Variants in CRACDL observed in about 807,000 individuals in gnomAD.
The protein encoded by CRACDL is CRACD like.
CRACDL carries 26 observed loss-of-function variants against 70.6 expected under a neutral mutation model. That is an observed-to-expected ratio of 0.37 (90% CI 0.27 to 0.51). CRACDL has a LOEUF of 0.51. Ranked by LOEUF, CRACDL falls within the 20% of genes least tolerant of loss-of-function variation. The pLI, the probability that CRACDL is intolerant of heterozygous loss-of-function variation, is 0.94. For missense variants in CRACDL, 1,283 were observed against 1,376.9 expected (o/e 0.93, Z 1.08); for synonymous variants, 618 against 615.2 (o/e 1.00, Z -0.07).
intron 1 of CRACDL, among the ~76,000 whole-genome samples, chr2:98,934,487 G>A (rs987682954): frequency 2.0e-5 from 3 of 152,072 alleles, no homozygotes; most frequent in African/African-American, 7.2e-5. Context: ...GAGCCATCGC[G>A]CCCAGCCAAG....
intron 7 of CRACDL, among the ~76,000 whole-genome samples, chr2:98,803,067 T>C (rs972007454): frequency 1.3e-4 from 19 of 148,816 alleles, no homozygotes; most frequent in African/African-American, 4.7e-4. Flanking sequence ...TGGCGCAATC[T>C]AGGCTCACTG....
At chr2:98,874,455 C>G (rs905897173) in intron 1 of CRACDL, among the ~76,000 whole-genome samples, 6 of 152,214 alleles carry the variant, frequency 3.9e-5, no homozygotes, top group Admixed American at 3.9e-4. Flanking sequence ...AGGCTCCGCA[C>G]GGGCTGCTGG....
intron 5 of CRACDL, among the ~76,000 whole-genome samples, chr2:98,830,751 G>A (rs574012340): frequency 2.6e-5 from 4 of 152,222 alleles, no homozygotes; most frequent in South Asian, 4.1e-4. Context: ...TGGCCCAGCC[G>A]AGCCAGCTGT....
At chr2:98,820,345 C>G (rs1456409893) in intron 7 of CRACDL, among the ~76,000 whole-genome samples, 1 of 151,808 alleles carries the variant, frequency 6.6e-6, no homozygotes, top group Non-Finnish European at 1.5e-5. Flanking sequence ...GCCTGGCCAA[C>G]ATGGTGAAAC....
intron 1 of CRACDL, among the ~76,000 whole-genome samples, chr2:98,914,263 C>T (rs1051623189): frequency 6.6e-6 from 1 of 152,208 alleles, no homozygotes; most frequent in African/African-American, 2.4e-5. Context: ...TTGAGCAACT[C>T]GCAGGGTCCT....
intron 1 of CRACDL, among the ~76,000 whole-genome samples, chr2:98,916,505 G>GGT (rs1553403729): frequency 2.5e-4 from 18 of 71,902 alleles, no homozygotes; most frequent in Non-Finnish European, 5.2e-4. Context: ...CAATAAAGCT[G>GGT]TTTTTTTTAA....
chr2:98,866,015 A>T (rs1258449603), intron 1 of CRACDL, among the ~76,000 whole-genome samples: 1 of 151,978 alleles, frequency 6.6e-6, no homozygotes, highest in Non-Finnish European at 1.5e-5. Flanking sequence ...GCTGTCATCC[A>T]CTTGTGTGCA....
intron 1 of CRACDL, among the ~76,000 whole-genome samples, chr2:98,878,369 C>T (rs897529985): frequency 1.3e-5 from 2 of 152,322 alleles, no homozygotes; most frequent in South Asian, 2.1e-4. Context: ...CACAAACTTA[C>T]CATTGTATTA....
chr2:98,813,442 T>A (rs115688607), intron 7 of CRACDL, among the ~76,000 whole-genome samples: 3 of 151,890 alleles, frequency 2.0e-5, no homozygotes, highest in Admixed American at 1.3e-4. Context: ...TAAAAAAAAA[T>A]TTTGCATCTA....
chr2:98,920,774 G>C (rs950025842), intron 1 of CRACDL, among the ~76,000 whole-genome samples: 8 of 152,152 alleles, frequency 5.3e-5, no homozygotes, highest in Non-Finnish European at 1.0e-4. Flanking sequence ...AATCTACTTT[G>C]TGATAAGAAT....
intron 1 of CRACDL, among the ~76,000 whole-genome samples, chr2:98,920,615 G>A (rs548149126): frequency 6.6e-6 from 1 of 152,028 alleles, no homozygotes; most frequent in Non-Finnish European, 1.5e-5. Context: ...TATGCACACC[G>A]GACCCCTCTC....
chr2:98,829,115 G>A (rs1340693500), intron 5 of CRACDL, among the ~76,000 whole-genome samples: 1 of 152,246 alleles, frequency 6.6e-6, no homozygotes, highest in African/African-American at 2.4e-5. Context: ...CACGGTGCCT[G>A]TGACAATAAT....
At chr2:98,887,107 A>G (rs2104626875) in intron 1 of CRACDL, among the ~76,000 whole-genome samples, 1 of 152,220 alleles carries the variant, frequency 6.6e-6, no homozygotes, top group East Asian at 1.9e-4. Flanking sequence ...GCTCAATAGC[A>G]TATCTAAACT....
intron 1 of CRACDL, among the ~76,000 whole-genome samples, chr2:98,864,297 A>G (rs1344370597): frequency 6.6e-6 from 1 of 152,224 alleles, no homozygotes; most frequent in Non-Finnish European, 1.5e-5. Flanking sequence ...TAAGTGAAAG[A>G]AGGCAGCTAC....
chr2:98,832,728 T>G (rs944584314), intron 4 of CRACDL, 134 bp downstream of exon 4: 13 of 1,181,132 alleles, frequency 1.1e-5, no homozygotes, highest in African/African-American at 1.5e-5. Context: ...TCATTTGGTG[T>G]GTCCTGGGGG....
chr2:98,891,376 CAAAA>C (rs548988640), intron 1 of CRACDL, among the ~76,000 whole-genome samples: 2,071 of 37,612 alleles, frequency 0.055, 14 homozygotes, highest in South Asian at 0.2. Context: ...GACTCCGTCT[CAAAA>C]AAAAAAAAAA....
chr2:98,850,677 C>T (rs1445150031), intron 1 of CRACDL, among the ~76,000 whole-genome samples: 1 of 152,214 alleles, frequency 6.6e-6, no homozygotes, highest in Non-Finnish European at 1.5e-5. Flanking sequence ...CTCTTCAGGG[C>T]TTCTAATGAA....
chr2:98,929,182 G>A (rs926689762), intron 1 of CRACDL, among the ~76,000 whole-genome samples: 3 of 152,180 alleles, frequency 2.0e-5, no homozygotes, highest in Admixed American at 6.5e-5. Context: ...TAGAAACTCC[G>A]GAGCCAGGAG....
chr2:98,859,224 A>T lies in CRACDL; in HGVS notation c.-10-12414T>A, dbSNP rs182671366. On this transcript the variant is annotated intron_variant, in intron 1 of 9. Transcript: ENST00000397899. ...TATCTCTTATGCATATAAACACAAAAATTCTCAACACAATACTAGCAAGCT... is the reference window on the plus strand; with the variant it reads ...TATCTCTTATGCATATAAACACAAATATTCTCAACACAATACTAGCAAGCT... Among the ~76,000 whole-genome samples the T allele has an allele frequency of 1.1e-4, 16 of 152,330 alleles. No homozygotes were observed. In the East Asian group the frequency reaches 3.1e-3, roughly 29 times the overall value.
Sources: allele counts gnomAD v4.1 joint callset (sites outside exome capture counted in the v4.1 genomes callset), GRCh38; gene constraint gnomAD v4.1.1; transcripts MANE v1.5; gene names NCBI Gene and HGNC (gene_info 2026-07-23, HGNC 2026-07-21).